Variants in CRACD observed in about 807,000 individuals in gnomAD.
The protein encoded by CRACD is capping protein inhibiting regulator of actin dynamics, also known as capping protein-inhibiting regulator of actin dynamics.
A neutral mutation model predicts 106.8 loss-of-function variants in CRACD; 56 were observed. The observed-to-expected ratio is 0.52, with a 90% confidence interval of 0.42 to 0.66. The LOEUF is 0.66. Among genes scored for constraint, CRACD ranks in the 30% least tolerant of loss-of-function variants. The probability of loss-of-function intolerance (pLI) is 0.00; values close to 1 mark genes in which losing one functional copy is unlikely to be tolerated. For missense variants in CRACD, 1,730 were observed against 1,623.2 expected (o/e 1.07, Z -1.13); for synonymous variants, 754 against 670.8 (o/e 1.12, Z -1.92).
chr4:56,313,674 G>A (rs991106654), intron 7 of CRACD, among the ~76,000 whole-genome samples: 1 of 152,148 alleles, frequency 6.6e-6, no homozygotes. Context: ...GTTTGACTAG[G>A]ATAGGCTTCC....
chr4:56,176,650 T>A (rs1439656614), intron 1 of CRACD, among the ~76,000 whole-genome samples: 1 of 152,080 alleles, frequency 6.6e-6, no homozygotes, highest in Non-Finnish European at 1.5e-5. Flanking sequence ...TTAGCCAGGA[T>A]GGTCTCGATC....
chr4:56,105,698 G>A (rs1733927782), intron 1 of CRACD, among the ~76,000 whole-genome samples: 1 of 152,104 alleles, frequency 6.6e-6, no homozygotes, highest in Admixed American at 6.5e-5. Context: ...TCTTTTTCAG[G>A]TGGAGACAGC....
At chr4:56,078,849 G>A (rs1230182208) in intron 1 of CRACD, among the ~76,000 whole-genome samples, 3 of 152,200 alleles carry the variant, frequency 2.0e-5, no homozygotes, top group Non-Finnish European at 4.4e-5. Flanking sequence ...GTGTCTCTTA[G>A]CCTGGTTGAG....
At chr4:56,072,127 CAA>C (rs531354263) in intron 1 of CRACD, among the ~76,000 whole-genome samples, 19 of 91,446 alleles carry the variant, frequency 2.1e-4, no homozygotes, top group African/African-American at 2.8e-4. Flanking sequence ...GACTCCGTCT[CAA>C]AAAAAAAAAA....
At chr4:56,147,947 T>C (rs1308645396) in intron 1 of CRACD, among the ~76,000 whole-genome samples, 2 of 152,142 alleles carry the variant, frequency 1.3e-5, no homozygotes, top group Admixed American at 1.3e-4. Context: ...AGGTAGTCGG[T>C]TGGGCCCTAA....
intron 1 of CRACD, among the ~76,000 whole-genome samples, chr4:56,100,377 G>A (rs1234039503): frequency 3.3e-5 from 5 of 152,148 alleles, no homozygotes; most frequent in African/African-American, 1.2e-4. Flanking sequence ...TAATAATTGT[G>A]CCTTTGTTAA....
chr4:56,093,263 A>G (rs1692653694), intron 1 of CRACD, among the ~76,000 whole-genome samples: 1 of 152,160 alleles, frequency 6.6e-6, no homozygotes, highest in South Asian at 2.1e-4. Flanking sequence ...TAATTCACAA[A>G]TGTTAGTTTC....
chr4:56,070,143 T>C (rs1393562458), intron 1 of CRACD, among the ~76,000 whole-genome samples: 1 of 152,150 alleles, frequency 6.6e-6, no homozygotes, highest in Non-Finnish European at 1.5e-5. Context: ...TCACGGTGCA[T>C]TTCTGGTCCA....
rs187112094 is a variant in CRACD, at chr4:56,280,527, T to G, written c.-17+8035T>G. Among the ~76,000 whole-genome samples the G allele has an allele frequency of 2.6e-5, 4 of 152,356 alleles. No individual in the cohort carries two copies. In the East Asian group the frequency reaches 7.7e-4, roughly 29 times the overall value. On this transcript the variant is annotated intron_variant, in intron 3 of 10. Transcript: ENST00000682029. ...TTCCCCTGACATTGTTCTCACAACT[T>G]CCTTGACCTTTCCCTAAAAGTAAGC...
At chr4:56,211,680 C>T (rs1215824601) in intron 2 of CRACD, among the ~76,000 whole-genome samples, 1 of 152,158 alleles carries the variant, frequency 6.6e-6, no homozygotes, top group Non-Finnish European at 1.5e-5. Context: ...TATGGGCTCA[C>T]AATTGGGGAG....
At chr4:56,219,721 T>C (rs1490183498) in intron 2 of CRACD, among the ~76,000 whole-genome samples, 1 of 152,204 alleles carries the variant, frequency 6.6e-6, no homozygotes, top group Admixed American at 6.5e-5. Context: ...GAGAAGTATA[T>C]TCACCTTTTG....
intron 3 of CRACD, among the ~76,000 whole-genome samples, chr4:56,283,627 A>G (rs1260135354): frequency 2.0e-5 from 3 of 152,152 alleles, no homozygotes; most frequent in Non-Finnish European, 4.4e-5. Flanking sequence ...CACAGCTTCT[A>G]GGAGGAGCAG....
chr4:56,276,690 C>T (rs959425099), intron 3 of CRACD, among the ~76,000 whole-genome samples: 16 of 152,180 alleles, frequency 1.1e-4, no homozygotes, highest in Admixed American at 2.0e-4. Flanking sequence ...CACTACTGTG[C>T]CTCTCAAGGA....
At chr4:56,154,369 C>T (rs1735694931) in intron 1 of CRACD, among the ~76,000 whole-genome samples, 1 of 151,978 alleles carries the variant, frequency 6.6e-6, no homozygotes, top group Non-Finnish European at 1.5e-5. Flanking sequence ...GGGAGGCTAA[C>T]GCAGGAGTAT....
chr4:56,279,201 T>G (rs903171566), intron 3 of CRACD, among the ~76,000 whole-genome samples: 1 of 152,204 alleles, frequency 6.6e-6, no homozygotes, highest in Non-Finnish European at 1.5e-5. Flanking sequence ...CAATCCCCAG[T>G]GAGATGCACC....
intron 2 of CRACD, among the ~76,000 whole-genome samples, chr4:56,255,707 T>C (rs1346950345): frequency 6.6e-6 from 1 of 152,206 alleles, no homozygotes; most frequent in Non-Finnish European, 1.5e-5. Context: ...CTGTGAGGCA[T>C]GTTGAGATGT....
At chr4:56,128,414 C>T (rs967458156) in intron 1 of CRACD, among the ~76,000 whole-genome samples, 5 of 152,066 alleles carry the variant, frequency 3.3e-5, no homozygotes, top group African/African-American at 1.2e-4. Flanking sequence ...TTAGTCACTG[C>T]GAATTCTGAA....
At chr4:56,293,252 A>T (rs1339633387) in intron 3 of CRACD, among the ~76,000 whole-genome samples, 1 of 152,164 alleles carries the variant, frequency 6.6e-6, no homozygotes, top group Non-Finnish European at 1.5e-5. Context: ...TCAGAGAGAG[A>T]TTAGAGGAAA....
intron 2 of CRACD, among the ~76,000 whole-genome samples, chr4:56,236,338 C>T (rs1442414762): frequency 2.0e-5 from 3 of 152,328 alleles, no homozygotes; most frequent in East Asian, 1.9e-4. Flanking sequence ...AGAGGGAACA[C>T]GGCCTTGATC....
Sources: allele counts gnomAD v4.1 joint callset (sites outside exome capture counted in the v4.1 genomes callset), GRCh38; gene constraint gnomAD v4.1.1; transcripts MANE v1.5; gene names NCBI Gene and HGNC (gene_info 2026-07-23, HGNC 2026-07-21).